TLL1: variants seen among roughly 807,000 people sequenced by gnomAD.
TLL1 encodes the protein tolloid like 1.
Under a neutral mutation model 128.2 loss-of-function variants are expected in TLL1, and 49 were observed. The observed-to-expected ratio is 0.38, with a 90% CI of 0.30 to 0.48. TLL1 has a LOEUF of 0.48. Ranked by LOEUF, TLL1 falls within the 20% of genes least tolerant of loss-of-function variation. The pLI is 0.96. For synonymous variants in TLL1, 454 were observed against 418.8 expected, an observed-to-expected ratio of 1.08 and a Z score of -1.03; for missense variants, 1,123 against 1,242.0, an observed-to-expected ratio of 0.90 and a Z score of 1.44.
intron 1 of TLL1, among the ~76,000 whole-genome samples, chr4:165,981,362 A>G (rs77499056): frequency 8.5e-5 from 13 of 152,208 alleles, no homozygotes; most frequent in African/African-American, 3.1e-4. Context: ...TCCTTCAACA[A>G]TCTTTTGCTG....
intron 9 of TLL1, among the ~76,000 whole-genome samples, chr4:166,031,318 A>G (rs1387655598): frequency 2.0e-5 from 3 of 151,850 alleles, no homozygotes; most frequent in Non-Finnish European, 4.4e-5. Flanking sequence ...AGTTAAATCA[A>G]GATGTATCAT....
At chr4:165,912,025 G>A (rs558191256) in intron 1 of TLL1, among the ~76,000 whole-genome samples, 68 of 152,104 alleles carry the variant, frequency 4.5e-4, no homozygotes, top group Non-Finnish European at 7.5e-4. Flanking sequence ...ACAGGCACCC[G>A]CCACCATGCC....
chr4:166,044,027 T>A (rs1024067879), intron 12 of TLL1, among the ~76,000 whole-genome samples: 2 of 152,046 alleles, frequency 1.3e-5, no homozygotes, highest in Admixed American at 1.3e-4. Flanking sequence ...CCGTGAGTCA[T>A]TTTTGTGGGT....
chr4:165,951,926 G>T (rs1734542415), intron 1 of TLL1, among the ~76,000 whole-genome samples: 1 of 152,112 alleles, frequency 6.6e-6, no homozygotes, highest in Non-Finnish European at 1.5e-5. Flanking sequence ...AGAGCACAGT[G>T]CTAGAGCACT....
intron 1 of TLL1, among the ~76,000 whole-genome samples, chr4:165,945,083 A>AT (rs1201318396): frequency 6.6e-6 from 1 of 152,164 alleles, no homozygotes; most frequent in Non-Finnish European, 1.5e-5. Flanking sequence ...AGGAAATAGA[A>AT]TTTTGCAGAG....
At chr4:165,939,334 A>G (rs528697289) in intron 1 of TLL1, among the ~76,000 whole-genome samples, 1 of 152,272 alleles carries the variant, frequency 6.6e-6, no homozygotes, top group South Asian at 2.1e-4. Flanking sequence ...ATGACTATGC[A>G]GAATACCACT....
intron 9 of TLL1, among the ~76,000 whole-genome samples, chr4:166,036,039 C>A (rs1293617185): frequency 6.6e-6 from 1 of 152,114 alleles, no homozygotes; most frequent in Non-Finnish European, 1.5e-5. Flanking sequence ...GTCTAATTGG[C>A]AAGGTTTGTA....
At chr4:165,933,850 A>G (rs1456262965) in intron 1 of TLL1, among the ~76,000 whole-genome samples, 2 of 151,994 alleles carry the variant, frequency 1.3e-5, no homozygotes, top group Admixed American at 6.6e-5. Flanking sequence ...CACCATTTCA[A>G]CACTTGATGT....
At chr4:165,957,748 C>A (rs905604384) in intron 1 of TLL1, among the ~76,000 whole-genome samples, 1 of 149,908 alleles carries the variant, frequency 6.7e-6, no homozygotes, top group East Asian at 2.0e-4. Context: ...TTTTAGGGTA[C>A]ATGTGCACAA....
At chr4:165,975,761 G>T (rs576821405) in intron 1 of TLL1, among the ~76,000 whole-genome samples, 3 of 152,224 alleles carry the variant, frequency 2.0e-5, no homozygotes, top group African/African-American at 7.2e-5. Flanking sequence ...AAGATGACCA[G>T]GCATGGTGGA....
intron 1 of TLL1, among the ~76,000 whole-genome samples, chr4:165,930,548 T>A (rs532618067): frequency 6.6e-6 from 1 of 152,148 alleles, no homozygotes; most frequent in Non-Finnish European, 1.5e-5. Flanking sequence ...CAGAGTGAAG[T>A]ACCTCCAACA....
At chr4:165,892,368 C>A (rs929398560) in intron 1 of TLL1, among the ~76,000 whole-genome samples, 3 of 152,116 alleles carry the variant, frequency 2.0e-5, no homozygotes, top group Non-Finnish European at 4.4e-5. Context: ...TGGCAATGTA[C>A]CTTTTAAAGG....
chr4:166,075,003 G>A lies in TLL1; in HGVS notation c.2314G>A (p.Ala772Thr). The change falls in exon 17 of 21, where the codon GCT becomes ACT. Residue 772 changes from alanine (A) to threonine (T), a missense_variant and splice_region_variant. By Grantham distance (58) the Ala-to-Thr change is moderately conservative (BLOSUM62 0). Transcript: ENST00000061240. ...LHDNKHDCKEAECEQKIHSPS... is the reference protein window; with the variant it reads ...LHDNKHDCKETECEQKIHSPS... ...TGACAATAAACATGATTGCAAGGAA[G>A]GTATGGAACGGAATACACTTTTTTT... 6.2e-7 allele frequency: 1 copy of A among 1,613,168 alleles called. No homozygotes were observed. The highest frequency in any genetic ancestry group is 2.2e-5 in the East Asian group (1 of 44,808).
intron 12 of TLL1, among the ~76,000 whole-genome samples, chr4:166,047,852 AT>A (rs1739530181): frequency 6.6e-6 from 1 of 152,146 alleles, no homozygotes; most frequent in Non-Finnish European, 1.5e-5. Flanking sequence ...TGAAACACTG[AT>A]TCTAAAGGTG....
chr4:166,023,303 G>A (rs963098023), intron 8 of TLL1, among the ~76,000 whole-genome samples: 8 of 152,124 alleles, frequency 5.3e-5, no homozygotes, highest in African/African-American at 1.9e-4. Flanking sequence ...GTGAGACTGA[G>A]GCAAGAGAAT....
intron 1 of TLL1, among the ~76,000 whole-genome samples, chr4:165,942,417 C>T (rs1327104415): frequency 6.6e-6 from 1 of 151,884 alleles, no homozygotes; most frequent in Non-Finnish European, 1.5e-5. Context: ...TGTCATTCTT[C>T]ATGTTTTATC....
intron 1 of TLL1, among the ~76,000 whole-genome samples, chr4:165,903,733 T>TCTCA (rs142244292): frequency 3.5e-5 from 5 of 144,804 alleles, no homozygotes; most frequent in East Asian, 2.1e-4. Flanking sequence ...TAAGTTCTTA[T>TCTCA]CACACACACA....
intron 1 of TLL1, among the ~76,000 whole-genome samples, chr4:165,919,604 T>C (rs1732944872): frequency 6.6e-6 from 1 of 152,112 alleles, no homozygotes; most frequent in Admixed American, 6.5e-5. Flanking sequence ...CCATCAAGGC[T>C]AACCTCCAAA....
Position 166,014,455 on chromosome 4 carries a change from A to G in TLL1, c.937A>G (p.Ile313Val). Residue 313 changes from isoleucine (I) to valine (V), a missense_variant, in exon 8 of 21, where the codon ATT (isoleucine) becomes GTT (valine). Physicochemically the swap from Ile to Val is conservative, Grantham distance 29 (BLOSUM62 3). Transcript: ENST00000061240. ...TFSRGMFLDT[I>V]LPSRDDNGIR... ...TTTCAGGGGGATGTTTCTGGATACCATTCTCCCCTCCCGTGATGATAATGG... is the reference window on the plus strand; with the variant it reads ...TTTCAGGGGGATGTTTCTGGATACCGTTCTCCCCTCCCGTGATGATAATGG... 1.2e-6 allele frequency: 2 copies of G among 1,612,256 alleles called. No individual in the cohort carries two copies. The highest frequency in any genetic ancestry group is 1.7e-5 in the Admixed American group (1 of 59,916).
Sources: gnomAD v4.1 joint callset for allele counts (sites outside exome capture counted in the v4.1 genomes callset) on GRCh38, gnomAD v4.1.1 for gene constraint, MANE v1.5 for transcripts, NCBI Gene and HGNC (gene_info 2026-07-23, HGNC 2026-07-21) for gene names.